The following KDM2A variants were observed in gnomAD, a reference collection of about 807,000 sequenced individuals.
KDM2A encodes the protein lysine demethylase 2A.
KDM2A carries 3 observed loss-of-function variants against 137.3 expected under a neutral mutation model. The observed-to-expected ratio is 0.02, with a 90% CI of 0.01 to 0.06. The LOEUF (loss-of-function observed/expected upper bound fraction) is 0.06, where lower values mean the gene tolerates loss of function less well. Ranked by LOEUF, KDM2A falls within the 10% of genes least tolerant of loss-of-function variation. The probability of loss-of-function intolerance (pLI) is 1.00; values close to 1 mark genes in which losing one functional copy is unlikely to be tolerated. For synonymous variants in KDM2A, 512 were observed against 541.5 expected (o/e 0.95, Z 0.76); for missense variants, 738 against 1,510.6 (o/e 0.49, Z 8.48).
At chr11:67,124,815 G>T (rs2136277485) in intron 2 of KDM2A, among the ~76,000 whole-genome samples, 1 of 150,968 alleles carries the variant, frequency 6.6e-6, no homozygotes, top group South Asian at 2.1e-4. Flanking sequence ...AGCAGTGTTT[G>T]TGTAAGAGGA....
chr11:67,160,649 T>C (rs912496945), intron 2 of KDM2A, among the ~76,000 whole-genome samples: 2 of 152,138 alleles, frequency 1.3e-5, no homozygotes, highest in Non-Finnish European at 2.9e-5. Context: ...CGCATACCTA[T>C]AATCTCAACT....
At chr11:67,126,270 A>G (rs1211509742) in intron 2 of KDM2A, among the ~76,000 whole-genome samples, 1 of 150,864 alleles carries the variant, frequency 6.6e-6, no homozygotes, top group African/African-American at 2.4e-5. Flanking sequence ...AAATGGAATA[A>G]CTAGTTTAAA....
intron 5 of KDM2A, among the ~76,000 whole-genome samples, chr11:67,182,753 GA>G (rs1427508266): frequency 1.3e-5 from 2 of 152,100 alleles, no homozygotes; most frequent in Non-Finnish European, 2.9e-5. Flanking sequence ...GGCTGGTCTT[GA>G]ACTCCTGACC....
intron 5 of KDM2A, among the ~76,000 whole-genome samples, chr11:67,188,436 C>T (rs59057433): frequency 0.023 from 3,522 of 150,034 alleles, 55 homozygotes; most frequent in East Asian, 0.045. Flanking sequence ...GAGCTGAGAT[C>T]GCGCCACTGC....
At chr11:67,221,996 A>G (rs1565411410) in intron 10 of KDM2A, among the ~76,000 whole-genome samples, 2 of 151,024 alleles carry the variant, frequency 1.3e-5, no homozygotes. Flanking sequence ...AATAGGGAAA[A>G]TGTTTCAAAA....
In KDM2A at chr11:67,255,500, C is replaced by T. The variant is rs897895710; in HGVS notation, c.*445C>T. On this transcript the variant is annotated 3_prime_UTR_variant, in exon 21 of 21. Transcript: ENST00000529006. Reference sequence around the variant, plus strand: ...GGCCAGGTTCTTGTGGTGTCCAGTGCGCGTCTCTCCTCCATCACACTCTCC... The same window carrying T: ...GGCCAGGTTCTTGTGGTGTCCAGTGTGCGTCTCTCCTCCATCACACTCTCC... The T allele has an allele frequency of 1.3e-5, 6 of 457,504 alleles. No homozygotes were observed. Among genetic ancestry groups the T allele is most frequent in the East Asian group, 1.4e-4 (2 of 14,446 alleles). 28.3% of individuals were successfully genotyped at this position (457,504 alleles called of 1,614,324 possible). A position where few individuals can be genotyped will look rare whatever the true frequency, so the allele number is the denominator to read the frequency against.
intron 3 of KDM2A, 39 bp downstream of exon 3, chr11:67,180,256 G>A: frequency 6.2e-7 from 1 of 1,600,928 alleles, no homozygotes; most frequent in Non-Finnish European, 8.5e-7. Flanking sequence ...GTCCTTTGAT[G>A]TGGGAAGCCA....
At chr11:67,181,452 A>G in intron 4 of KDM2A, 54 bp downstream of exon 4, 1 of 1,201,088 alleles carries the variant, frequency 8.3e-7, no homozygotes, top group African/African-American at 1.5e-5. Flanking sequence ...CGTTACACCC[A>G]GGGCAATAAA....
At chr11:67,142,557 G>GAGGGTT (rs1856132009) in intron 2 of KDM2A, among the ~76,000 whole-genome samples, 6 of 115,258 alleles carry the variant, frequency 5.2e-5, no homozygotes, top group African/African-American at 1.7e-4. Flanking sequence ...AAGTTGGCCG[G>GAGGGTT]GGGGTTGGGG....
chr11:67,146,234 C>G (rs772056999), intron 2 of KDM2A, among the ~76,000 whole-genome samples: 1 of 151,954 alleles, frequency 6.6e-6, no homozygotes, highest in African/African-American at 2.4e-5. Context: ...ACCTCCTGAT[C>G]TGCCTGCCTC....
chr11:67,193,351 A>T (rs1857402610), intron 5 of KDM2A, among the ~76,000 whole-genome samples: 2 of 152,234 alleles, frequency 1.3e-5, no homozygotes, highest in Non-Finnish European at 2.9e-5. Context: ...TTTAATCTGC[A>T]TGTCCTGTAA....
At chr11:67,222,850 T>C (rs994824900) in intron 10 of KDM2A, among the ~76,000 whole-genome samples, 1 of 150,300 alleles carries the variant, frequency 6.7e-6, no homozygotes, top group Admixed American at 6.7e-5. Context: ...GTGAGTACCT[T>C]ATCCCCTGCA....
intron 5 of KDM2A, among the ~76,000 whole-genome samples, chr11:67,189,252 T>C (rs1857285426): frequency 6.6e-6 from 1 of 152,016 alleles, no homozygotes; most frequent in African/African-American, 2.4e-5. Flanking sequence ...CAATAACAGG[T>C]AAAACTGGAA....
chr11:67,123,801 C>G (rs557211986), intron 2 of KDM2A, among the ~76,000 whole-genome samples: 1 of 151,824 alleles, frequency 6.6e-6, no homozygotes, highest in Admixed American at 6.6e-5. Context: ...CTCAGCTTCC[C>G]GAGTAGCTGA....
intron 10 of KDM2A, among the ~76,000 whole-genome samples, chr11:67,224,152 C>A (rs537676723): frequency 6.6e-6 from 1 of 152,170 alleles, no homozygotes; most frequent in East Asian, 1.9e-4. Flanking sequence ...GGACTCCTAT[C>A]CAGTTCTCCG....
At chr11:67,201,200 A>AT (rs1857612236) in intron 5 of KDM2A, among the ~76,000 whole-genome samples, 1 of 76,734 alleles carries the variant, frequency 1.3e-5, no homozygotes, top group African/African-American at 5.2e-5. Flanking sequence ...TCTCAAAAAA[A>AT]AAAATATATA....
intron 5 of KDM2A, among the ~76,000 whole-genome samples, chr11:67,183,091 G>C (rs1857126091): frequency 6.6e-6 from 1 of 152,152 alleles, no homozygotes; most frequent in Non-Finnish European, 1.5e-5. Flanking sequence ...CCAAATCTCT[G>C]TTTTATTCAT....
intron 2 of KDM2A, among the ~76,000 whole-genome samples, chr11:67,122,823 C>T (rs1226254563): frequency 6.6e-6 from 1 of 151,708 alleles, no homozygotes; most frequent in African/African-American, 2.4e-5. Flanking sequence ...CTATCGGCGC[C>T]CACCACTACG....
At chr11:67,127,672 C>T (rs77420759) in intron 2 of KDM2A, among the ~76,000 whole-genome samples, 13,154 of 151,920 alleles carry the variant, frequency 0.087, 1,926 homozygotes, top group African/African-American at 0.3. Context: ...AATTCAGCAG[C>T]GATTACCAGA....
Sources: allele counts gnomAD v4.1 joint callset (sites outside exome capture counted in the v4.1 genomes callset), GRCh38; gene constraint gnomAD v4.1.1; transcripts MANE v1.5; gene names NCBI Gene and HGNC (gene_info 2026-07-23, HGNC 2026-07-21).